The following CLK2 variants were observed in gnomAD, a reference collection of about 807,000 sequenced individuals.
CLK2 encodes the protein dual specificity protein kinase CLK2.
CLK2 carries 12 observed loss-of-function variants against 73.5 expected under a neutral mutation model. That is an observed-to-expected ratio of 0.16 (90% CI 0.10 to 0.26). The LOEUF (loss-of-function observed/expected upper bound fraction) is 0.26. CLK2 is among the 10% of genes least tolerant of loss of function. The pLI is 1.00. For synonymous variants in CLK2, 232 were observed against 237.9 expected, an observed-to-expected ratio of 0.98 and a Z score of 0.23; for missense variants, 509 against 688.4, an observed-to-expected ratio of 0.74 and a Z score of 2.92.
chr1:155,270,991 G>A lies in CLK2; in HGVS notation c.1-14C>T, dbSNP rs1673477515. ...AGGATGCGGCATCTGGAAGGCAAGG[G>A]AAAGCGGAAATAGGAAAGTTTCGAG... is the stretch of plus-strand genomic sequence containing the variant. On this transcript the variant is annotated splice_polypyrimidine_tract_variant and intron_variant, in intron 1 of 12. Coordinates refer to ENST00000368361, the MANE Select transcript of CLK2 (RefSeq NM_001294338.2). 1 of 1,601,164 alleles carries A rather than the reference G, an allele frequency of 6.2e-7. No homozygotes were observed. The highest frequency in any genetic ancestry group is 1.7e-5 in the Admixed American group (1 of 59,746).
rs1673049418 is a variant in CLK2, at chr1:155,263,114, G to C, written c.*104C>G. On this transcript the variant is annotated 3_prime_UTR_variant, in exon 13 of 13. Transcript: ENST00000368361. ...TTCACAGGTATATAGAGAGCCAGGA[G>C]GAAGGAGTGAACTCTGGCTCGTTCT... The C allele has an allele frequency of 9.1e-7, 1 of 1,097,128 alleles. No individual in the cohort carries two copies. The highest frequency in any genetic ancestry group is 1.3e-6 in the Non-Finnish European group (1 of 782,478). The allele number at this position is 1,097,128 out of a possible 1,614,324, so 68.0% of individuals were successfully genotyped here.
Position 155,263,279 on chromosome 1 carries a change from G to A in CLK2, c.1439C>T (p.Ala480Val), listed in dbSNP as rs780021739. Residue 480 changes from alanine (A) to valine (V), a missense_variant, in exon 13 of 13, where the codon GCC (alanine) becomes GTC (valine). By Grantham distance (64) the Ala-to-Val change is moderately conservative. Coordinates refer to ENST00000368361, the MANE Select transcript of CLK2 (RefSeq NM_001294338.2). ...LGEALQHPFF[A>V]RLRAEPPNKL... ...GTTGGGCGGCTCAGCCCGAAGGCGG[G>A]CGAAGAAAGGATGCTGAAGGGCTTC... The A allele has an allele frequency of 3.1e-5, 50 of 1,614,048 alleles. No individual in the cohort carries two copies. Among genetic ancestry groups the A allele is most frequent in the Admixed American group, 2.8e-4 (17 of 60,016 alleles).
chr1:155,271,432 G>A (rs1673502074), intron 1 of CLK2, among the ~76,000 whole-genome samples: 1 of 152,078 alleles, frequency 6.6e-6, no homozygotes, highest in Non-Finnish European at 1.5e-5. Flanking sequence ...CACCATGTTG[G>A]CCAGGATGGT....
chr1:155,263,832 G>A, intron 12 of CLK2, 118 bp downstream of exon 12: 1 of 1,381,442 alleles, frequency 7.2e-7, no homozygotes, highest in Non-Finnish European at 1.0e-6. Context: ...TCTTCTTTCA[G>A]CTTTCCTCCC....
At chr1:155,269,237 C>A in intron 3 of CLK2, 1 of 598,068 alleles carries the variant, frequency 1.7e-6, no homozygotes, top group Non-Finnish European at 3.0e-6. Context: ...GGAGAAGCTG[C>A]TCCCAACACA....
intron 7 of CLK2, 74 bp from the exon 8 acceptor site, chr1:155,266,028 G>A (rs1306959380): frequency 8.3e-6 from 8 of 964,214 alleles, no homozygotes; most frequent in Non-Finnish European, 1.4e-5. Context: ...CCCCAGGCCT[G>A]GTTACCTAGG....
intron 8 of CLK2, among the ~76,000 whole-genome samples, chr1:155,265,632 T>C (rs945526592): frequency 1.4e-5 from 2 of 138,346 alleles, no homozygotes; most frequent in African/African-American, 5.5e-5. Context: ...TTAAAAACTT[T>C]CACTCTACTG....
chr1:155,265,732 AGTTG>A (rs1195273403), intron 8 of CLK2, 124 bp downstream of exon 8: 25 of 742,448 alleles, frequency 3.4e-5, no homozygotes, highest in South Asian at 3.2e-4. Context: ...AGTTTTACCC[AGTTG>A]GAGCCAGACA....
chr1:155,268,471 A>G lies in CLK2; in HGVS notation c.488-112T>C. 1.2e-6 allele frequency: 1 copy of G among 864,060 alleles called. No homozygotes were observed. Among genetic ancestry groups the G allele is most frequent in the Non-Finnish European group, 1.9e-6 (1 of 518,056 alleles). 53.5% of individuals were successfully genotyped at this position (864,060 alleles called of 1,614,324 possible). A position where few individuals can be genotyped will look rare whatever the true frequency, so the allele number is the denominator to read the frequency against. On this transcript the variant is annotated intron_variant, in intron 4 of 12. Coordinates refer to ENST00000368361, the MANE Select transcript of CLK2 (RefSeq NM_001294338.2). This position sits in a 1 kb window ranked among gnomAD's most constrained non-coding sequence, Gnocchi z 5.6. Reference sequence around the variant, plus strand: ...CTGGGGTGGAGATGAAGGAAGGGGAACAGATACAGATGGTCACAGGGGAAG... The same window carrying G: ...CTGGGGTGGAGATGAAGGAAGGGGAGCAGATACAGATGGTCACAGGGGAAG...
In CLK2 at chr1:155,268,294, T is replaced by C. The variant is rs753861220; in HGVS notation, c.553A>G (p.Arg185Gly). Reference protein sequence around the residue: ...GRVVQCVDHRRGGARVALKII... With the variant: ...GRVVQCVDHRGGGARVALKII... Reference sequence around the variant, plus strand: ...TAGTAGGGAGGGACTGACAGTTACCTGCGATGGTCAACACATTGTACAACT... The same window carrying C: ...TAGTAGGGAGGGACTGACAGTTACCCGCGATGGTCAACACATTGTACAACT... Residue 185 changes from arginine (R) to glycine (G), a missense_variant and splice_region_variant, in exon 5 of 13, where the codon AGG becomes GGG. Coordinates refer to ENST00000368361, the MANE Select transcript of CLK2 (RefSeq NM_001294338.2). This position sits in a 1 kb window ranked among gnomAD's most constrained non-coding sequence, Gnocchi z 5.6. 1.9e-6 allele frequency: 3 copies of C among 1,613,964 alleles called. No homozygotes were observed. Among genetic ancestry groups the C allele is most frequent in the East Asian group, 2.2e-5 (1 of 44,880 alleles).
Position 155,269,169 on chromosome 1 carries a change from G to C in CLK2, c.399+319C>G, listed in dbSNP as rs941030822. The C allele has an allele frequency of 5.2e-6, 3 of 577,994 alleles. No homozygotes were observed. The East Asian group carries it at 8.7e-5, about 17-fold the overall frequency. 35.8% of individuals were successfully genotyped at this position (577,994 alleles called of 1,614,324 possible). On this transcript the variant is annotated intron_variant, in intron 3 of 12. Transcript: ENST00000368361. ...AAGGGGGCTACAGAGCCCAGGGCTT[G>C]GGGGAAAAAGGCAGTTCACAAGCAA...
chr1:155,269,572 G>C lies in CLK2; in HGVS notation c.315C>G (p.Asn105Lys). ...TGCTGCGCTGGCTGCGGTAACTGCT[G>C]TTCTCCCGCTGATATTCATAGGAAT... ...YRHSYEYQRENSSYRSQRSSR... is the reference protein window; with the variant it reads ...YRHSYEYQREKSSYRSQRSSR... The change falls in exon 3 of 13, where the codon AAC (asparagine) becomes AAG (lysine). Residue 105 changes from asparagine to lysine, a missense_variant. Around this residue, in one of 6 missense-constraint regions of CLK2, gnomAD observed 222 missense variants for 221.7 expected, o/e 1.00. Transcript: ENST00000368361. 1.2e-6 allele frequency: 2 copies of C among 1,614,194 alleles called. No individual in the cohort carries two copies. The highest frequency in any genetic ancestry group is 1.7e-6 in the Non-Finnish European group (2 of 1,180,044).
chr1:155,271,460 G>A (rs573753847), intron 1 of CLK2, among the ~76,000 whole-genome samples: 18 of 152,208 alleles, frequency 1.2e-4, no homozygotes, highest in African/African-American at 4.1e-4. Flanking sequence ...TCCTGACCTC[G>A]TGATCCTCCT....
intron 2 of CLK2, among the ~76,000 whole-genome samples, chr1:155,270,208 A>C (rs1413807151): frequency 2.0e-5 from 3 of 151,838 alleles, no homozygotes; most frequent in East Asian, 3.9e-4. Context: ...AAATACAAAA[A>C]AAAAAAAAAA....
chr1:155,267,703 A>T (rs1673295247), intron 6 of CLK2, among the ~76,000 whole-genome samples: 1 of 152,176 alleles, frequency 6.6e-6, no homozygotes, highest in African/African-American at 2.4e-5. Context: ...AGCTTAATTC[A>T]TTGTTCGATG....
chr1:155,267,092 GTTT>G (rs1330947756), intron 6 of CLK2, among the ~76,000 whole-genome samples, 197 bp from the exon 7 acceptor site: 1 of 151,876 alleles, frequency 6.6e-6, no homozygotes, highest in Non-Finnish European at 1.5e-5. Context: ...TATCTGCCAG[GTTT>G]TTTTCTTTTT....
chr1:155,268,369 AAG>A lies in CLK2; in HGVS notation c.488-12_488-11del, dbSNP rs1673330377. 6.2e-7 allele frequency: 1 copy of A among 1,613,664 alleles called. No individual in the cohort carries two copies. The highest frequency in any genetic ancestry group is 1.3e-5 in the African/African-American group (1 of 75,012). On this transcript the variant is annotated splice_polypyrimidine_tract_variant and intron_variant, in intron 4 of 12. Coordinates refer to ENST00000368361, the MANE Select transcript of CLK2 (RefSeq NM_001294338.2). This position sits in a 1 kb window ranked among gnomAD's most constrained non-coding sequence, Gnocchi z 5.6. ...GTGCTAACGATTTCATCTGAAATGA[AAG>A]AGAGCAGGGTCGGGGAGAGGGAGGG...
chr1:155,270,697 C>T (rs1254868480), intron 2 of CLK2, 111 bp downstream of exon 2: 4 of 1,249,058 alleles, frequency 3.2e-6, no homozygotes, highest in East Asian at 4.7e-5. Context: ...CCGACATTAC[C>T]TTCAGCCAGC....
intron 12 of CLK2, 138 bp downstream of exon 12, chr1:155,263,812 A>C: frequency 7.2e-7 from 1 of 1,392,634 alleles, no homozygotes. Flanking sequence ...TCCTCTGTTG[A>C]CCAAAGATGT....
Sources: allele counts gnomAD v4.1 joint callset (sites outside exome capture counted in the v4.1 genomes callset), GRCh38; gene constraint gnomAD v4.1.1; regional missense constraint gnomAD v4.1.1; non-coding constraint Gnocchi (gnomAD v3.1); transcripts MANE v1.5; gene names NCBI Gene and HGNC (gene_info 2026-07-23, HGNC 2026-07-21).